The following ZNHIT6 variants were observed in gnomAD, a reference collection of about 807,000 sequenced individuals.
The protein encoded by ZNHIT6 is zinc finger HIT-type containing 6.
In ZNHIT6, 45 loss-of-function variants were observed where a neutral mutation model predicts 57.2. That is an observed-to-expected ratio of 0.79 (90% confidence interval 0.62 to 1.01). The LOEUF is 1.01. Ranked by LOEUF, ZNHIT6 falls within the 50% of genes least tolerant of loss-of-function variation. ZNHIT6 has a pLI of 0.00. For missense variants in ZNHIT6, 528 were observed against 567.3 expected (o/e 0.93, Z 0.70); for synonymous variants, 188 against 190.0 (o/e 0.99, Z 0.09).
rs371192859 is a variant in ZNHIT6, at chr1:85,687,281, C to CAAAAAAAAAAAAAAAAAAAA, written c.1020-6378_1020-6377insTTTTTTTTTTTTTTTTTTTT. ...GGTGACAAGAGTGAGAAGACTATCT[C>CAAAAAAAAAAAAAAAAAAAA]AAAAAACAAAAAAAAAACAAAAAAA... is the stretch of plus-strand genomic sequence containing the variant. On this transcript the variant is annotated intron_variant, in intron 5 of 9. Coordinates refer to ENST00000370574, the MANE Select transcript of ZNHIT6 (RefSeq NM_017953.4). Among the ~76,000 whole-genome samples, 25 of 33,598 alleles carry CAAAAAAAAAAAAAAAAAAAA rather than the reference C, an allele frequency of 7.4e-4. 8 individuals carry two copies. The highest frequency in any genetic ancestry group is 7.9e-4 in the Non-Finnish European group (14 of 17,658). 22.0% of individuals were successfully genotyped at this position (33,598 alleles called of 152,430 possible). A position where few individuals can be genotyped will look rare whatever the true frequency, so the allele number is the denominator to read the frequency against.
In ZNHIT6 at chr1:85,707,702, C is replaced by G; in HGVS notation, c.583G>C (p.Asp195His). 1 of 1,608,114 alleles carries G rather than the reference C, an allele frequency of 6.2e-7. No individual in the cohort carries two copies. The highest frequency in any genetic ancestry group is 8.5e-7 in the Non-Finnish European group (1 of 1,177,486). ...GGCTCTTCTTTCACCTTTGTATCAT[C>G]CACGATTTCTTTCTTCAGGAAATCC... ...EKDFLKKEIV[D>H]DTKVKEEPPI... Residue 195 changes from aspartate (D) to histidine (H), a missense_variant, in exon 1 of 10, where the codon GAT (aspartate) becomes CAT (histidine). Coordinates refer to ENST00000370574, the MANE Select transcript of ZNHIT6 (RefSeq NM_017953.4).
chr1:85,705,775 A>G (rs1353469141), intron 4 of ZNHIT6, among the ~76,000 whole-genome samples: 5 of 152,164 alleles, frequency 3.3e-5, no homozygotes, highest in Non-Finnish European at 7.4e-5. Flanking sequence ...TAGTACCCTG[A>G]CAATCTCTCC....
chr1:85,698,953 G>T (rs1393307188), intron 5 of ZNHIT6, among the ~76,000 whole-genome samples: 3 of 152,030 alleles, frequency 2.0e-5, no homozygotes, highest in Non-Finnish European at 4.4e-5. Flanking sequence ...TATGTGCCAG[G>T]TACTACTTTA....
chr1:85,706,269 G>A lies in ZNHIT6; in HGVS notation c.809C>T (p.Thr270Ile), dbSNP rs1306849439. 6.2e-7 allele frequency: 1 copy of A among 1,611,234 alleles called. No homozygotes were observed. Among genetic ancestry groups the A allele is most frequent in the Admixed American group, 1.7e-5 (1 of 59,816 alleles). ...KTAYISIQQF[T>I]EMNLLSDYRF... The stretch of plus-strand genomic sequence containing the variant: ...CTTACCACTTAGGAGATTCATTTCA[G>A]TAAACTGTTGTATTGAAATGTATGC... Residue 270 changes from threonine to isoleucine, a missense_variant, in exon 3 of 10, where the codon ACT (threonine) becomes ATT (isoleucine). Coordinates refer to ENST00000370574, the MANE Select transcript of ZNHIT6 (RefSeq NM_017953.4).
At chr1:85,659,213 C>G (rs1289171317) in intron 8 of ZNHIT6, among the ~76,000 whole-genome samples, 1 of 152,118 alleles carries the variant, frequency 6.6e-6, no homozygotes, top group Non-Finnish European at 1.5e-5. Flanking sequence ...CAAATCATTA[C>G]TTTAAAAAAA....
chr1:85,688,093 C>T (rs1662116947), intron 5 of ZNHIT6, among the ~76,000 whole-genome samples: 1 of 150,812 alleles, frequency 6.6e-6, no homozygotes, highest in Non-Finnish European at 1.5e-5. Flanking sequence ...TACCAGTAAA[C>T]TGTTTTACCA....
intron 8 of ZNHIT6, among the ~76,000 whole-genome samples, chr1:85,665,031 A>G (rs1661331535): frequency 6.6e-6 from 1 of 152,094 alleles, no homozygotes; most frequent in East Asian, 1.9e-4. Flanking sequence ...AGGTTTCACT[A>G]TGTTGGCCAG....
intron 5 of ZNHIT6, among the ~76,000 whole-genome samples, chr1:85,681,808 T>C (rs1661883520): frequency 6.6e-6 from 1 of 152,204 alleles, no homozygotes; most frequent in Non-Finnish European, 1.5e-5. Flanking sequence ...TACCCTTTAC[T>C]AATCTAAAGG....
At chr1:85,679,243 C>A (rs1026814163) in intron 6 of ZNHIT6, among the ~76,000 whole-genome samples, 1 of 152,170 alleles carries the variant, frequency 6.6e-6, no homozygotes, top group Non-Finnish European at 1.5e-5. Context: ...AGTTTTCCAA[C>A]TTTCTTCCAT....
intron 8 of ZNHIT6, among the ~76,000 whole-genome samples, chr1:85,659,471 A>C (rs747198797): frequency 2.8e-4 from 42 of 152,344 alleles, no homozygotes; most frequent in Middle Eastern, 3.4e-3. Context: ...TGCAAAACAC[A>C]TATCTCATGA....
intron 5 of ZNHIT6, among the ~76,000 whole-genome samples, chr1:85,701,287 A>G (rs898128860): frequency 1.3e-5 from 2 of 152,176 alleles, no homozygotes; most frequent in Non-Finnish European, 2.9e-5. Context: ...AACTCCCCAC[A>G]TCATACAACT....
intron 8 of ZNHIT6, among the ~76,000 whole-genome samples, chr1:85,662,799 CAT>C (rs894756586): frequency 1.3e-5 from 2 of 152,112 alleles, no homozygotes; most frequent in Admixed American, 6.6e-5. Context: ...GTAGTACAGA[CAT>C]ATGTCTTAAT....
intron 6 of ZNHIT6, among the ~76,000 whole-genome samples, chr1:85,679,563 G>GCT (rs369430747): frequency 1.5e-5 from 2 of 135,274 alleles, no homozygotes; most frequent in Non-Finnish European, 3.1e-5. Flanking sequence ...ACATTAAAAT[G>GCT]TTTTTTTTTT....
intron 5 of ZNHIT6, among the ~76,000 whole-genome samples, chr1:85,691,444 C>G (rs1464065283): frequency 6.6e-6 from 1 of 152,210 alleles, no homozygotes; most frequent in Admixed American, 6.5e-5. Flanking sequence ...GGAGTACAGA[C>G]AGTACAAGAC....
intron 5 of ZNHIT6, among the ~76,000 whole-genome samples, chr1:85,693,279 GA>G (rs1662268486): frequency 6.6e-6 from 1 of 152,044 alleles, no homozygotes; most frequent in South Asian, 2.1e-4. Context: ...CAGATACTGG[GA>G]TTATTTACAC....
intron 5 of ZNHIT6, among the ~76,000 whole-genome samples, chr1:85,690,968 G>A (rs1239193317): frequency 1.3e-5 from 2 of 152,330 alleles, no homozygotes; most frequent in East Asian, 3.9e-4. Flanking sequence ...GGAGGGTGCA[G>A]TGAGCCGAGA....
rs1245490968 is a variant in ZNHIT6 at position 85,702,094 on chromosome 1, A to C, written c.1019+63T>G. On this transcript the variant is annotated intron_variant, in intron 5 of 9. Transcript: ENST00000370574. ...GGGTAGCAATGCTCTATAGCAACCAAACCTTAAAGAATGATCCTGATCAAA... is the reference window on the plus strand; with the variant it reads ...GGGTAGCAATGCTCTATAGCAACCACACCTTAAAGAATGATCCTGATCAAA... 1.1e-5 allele frequency: 13 copies of C among 1,186,336 alleles called. No individual in the cohort carries two copies. In the East Asian group the frequency reaches 2.8e-4, roughly 26 times the overall value. 73.5% of individuals were successfully genotyped at this position (1,186,336 alleles called of 1,614,324 possible). A position where few individuals can be genotyped will look rare whatever the true frequency, so the allele number is the denominator to read the frequency against.
rs573966057 is a variant in ZNHIT6, at chr1:85,653,958, A to T, written c.*100T>A. 2 of 877,314 alleles carry T rather than the reference A, an allele frequency of 2.3e-6. No homozygotes were observed. Among genetic ancestry groups the T allele is most frequent in the Non-Finnish European group, 3.6e-6 (2 of 556,376 alleles). 54.3% of individuals were successfully genotyped at this position (877,314 alleles called of 1,614,324 possible). ...ATTTTTCATACAAAGAAAAAATTCC[A>T]ATCACCCATTGACAATACCCCAATC... On this transcript the variant is annotated 3_prime_UTR_variant, in exon 10 of 10. Coordinates refer to ENST00000370574, the MANE Select transcript of ZNHIT6 (RefSeq NM_017953.4).
chr1:85,707,037 A>G (rs1232474129), intron 1 of ZNHIT6, among the ~76,000 whole-genome samples: 1 of 152,184 alleles, frequency 6.6e-6, no homozygotes, highest in Non-Finnish European at 1.5e-5. Context: ...CTGCTCTTCT[A>G]TGCTCCTGGG....
Sources: allele counts gnomAD v4.1 joint callset (sites outside exome capture counted in the v4.1 genomes callset), GRCh38; gene constraint gnomAD v4.1.1; transcripts MANE v1.5; gene names NCBI Gene and HGNC (gene_info 2026-07-23, HGNC 2026-07-21).